Variants in SNX14 observed in about 807,000 individuals in gnomAD.
SNX14 encodes the protein sorting nexin-14.
In SNX14, 93 loss-of-function variants were observed where a neutral mutation model predicts 133.8. The ratio of observed to expected loss-of-function variants is 0.70; its 90% CI spans 0.59 to 0.83. The LOEUF (loss-of-function observed/expected upper bound fraction) is 0.83, where lower values mean the gene tolerates loss of function less well. Ranked by LOEUF, SNX14 falls within the 40% of genes least tolerant of loss-of-function variation. SNX14 has a pLI of 0.00. For missense variants in SNX14, 945 were observed against 1,094.9 expected, an observed-to-expected ratio of 0.86 and a Z score of 1.93; for synonymous variants, 368 against 365.6, an observed-to-expected ratio of 1.01 and a Z score of -0.07.
chr6:85,506,320 A>T (rs967870370), intron 28 of SNX14, among the ~76,000 whole-genome samples: 12 of 145,666 alleles, frequency 8.2e-5, no homozygotes, highest in South Asian at 2.2e-4. Context: ...TAACTTGAAA[A>T]TTTTTTTTTT....
chr6:85,516,791 C>G (rs1377621336), intron 23 of SNX14, among the ~76,000 whole-genome samples: 1 of 152,070 alleles, frequency 6.6e-6, no homozygotes, highest in East Asian at 1.9e-4. Flanking sequence ...GCACCCACCA[C>G]CACGCTTGAC....
chr6:85,508,639 T>A (rs1199872121), intron 26 of SNX14, among the ~76,000 whole-genome samples: 1 of 147,454 alleles, frequency 6.8e-6, no homozygotes, highest in Non-Finnish European at 1.5e-5. Flanking sequence ...TTTGCATAAG[T>A]TACTATTAAC....
At chr6:85,528,398 C>A in intron 19 of SNX14, 36 bp from the exon 20 acceptor site, 1 of 1,496,386 alleles carries the variant, frequency 6.7e-7, no homozygotes, top group South Asian at 1.3e-5. Flanking sequence ...TTACTGTGTT[C>A]TGCTACTATT....
intron 7 of SNX14, among the ~76,000 whole-genome samples, chr6:85,552,403 CATT>C (rs1026652661): frequency 1.3e-5 from 2 of 152,044 alleles, no homozygotes; most frequent in African/African-American, 4.8e-5. Flanking sequence ...CAAAAAAAGG[CATT>C]ATATGCATTG....
At chr6:85,522,824 C>T (rs1333958293) in intron 21 of SNX14, among the ~76,000 whole-genome samples, 2 of 152,176 alleles carry the variant, frequency 1.3e-5, no homozygotes, top group African/African-American at 4.8e-5. Context: ...ACTGTACCTT[C>T]AAGATACTCC....
At chr6:85,545,350 TA>T (rs1251617724) in intron 12 of SNX14, among the ~76,000 whole-genome samples, 2 of 152,132 alleles carry the variant, frequency 1.3e-5, no homozygotes, top group African/African-American at 4.8e-5. Flanking sequence ...AGATACCAAT[TA>T]AAAAGCAAAG....
At chr6:85,535,028 CTTTT>C (rs35936403) in intron 17 of SNX14, among the ~76,000 whole-genome samples, 1 of 124,132 alleles carries the variant, frequency 8.1e-6, no homozygotes. Context: ...TCTATCCATA[CTTTT>C]TTTTTTTTTT....
intron 6 of SNX14, among the ~76,000 whole-genome samples, chr6:85,560,326 C>A (rs1791123603): frequency 6.6e-6 from 1 of 152,088 alleles, no homozygotes; most frequent in Admixed American, 6.5e-5. Flanking sequence ...ATACATGCTA[C>A]AACATAATAT....
rs147669183 is a variant in SNX14 at position 85,563,920 on chromosome 6, C to A, written c.549+1412G>T. Among the ~76,000 whole-genome samples the A allele has an allele frequency of 4.6e-3, 704 of 152,208 alleles. 4 individuals are homozygous for A. The highest frequency in any genetic ancestry group is 0.014 in the African/African-American group (565 of 41,520). On this transcript the variant is annotated intron_variant, in intron 6 of 28. Transcript: ENST00000314673. ...ATATCTCCTAATACTATCCCTCCCCCCTTCCCCCACCCCATGACAGGTCCT... is the reference window on the plus strand; with the variant it reads ...ATATCTCCTAATACTATCCCTCCCCACTTCCCCCACCCCATGACAGGTCCT...
intron 6 of SNX14, among the ~76,000 whole-genome samples, 194 bp from the exon 7 acceptor site, chr6:85,558,254 A>C (rs1790391934): frequency 6.6e-6 from 1 of 152,204 alleles, no homozygotes; most frequent in African/African-American, 2.4e-5. Context: ...ACTGAAAATT[A>C]ATCTTAATAT....
intron 19 of SNX14, among the ~76,000 whole-genome samples, chr6:85,529,391 A>G (rs187879100): frequency 1.3e-5 from 2 of 152,250 alleles, no homozygotes; most frequent in Non-Finnish European, 1.5e-5. Context: ...AAGGAAGGAA[A>G]CAAGGGAAGG....
Position 85,593,564 on chromosome 6 carries a change from G to A in SNX14, c.140+15C>T, listed in dbSNP as rs543061539. On this transcript the variant is annotated intron_variant, in intron 1 of 28. Transcript: ENST00000314673. ...GGAGAAAAGCCGCCGCCCAGGCTCC[G>A]CGCTGCGGCGTTACCTGTTAAGAAG... is the stretch of plus-strand genomic sequence containing the variant. The A allele has an allele frequency of 5.0e-6, 8 of 1,602,372 alleles. No homozygotes were observed. In the Admixed American group the frequency reaches 8.6e-5, roughly 17 times the overall value.
At chr6:85,517,511 C>A in intron 23 of SNX14, 1 of 300,466 alleles carries the variant, frequency 3.3e-6, no homozygotes, top group East Asian at 6.0e-5. Context: ...TTTTAAAAAT[C>A]CCCAAATACA....
rs778642905 is a variant in SNX14, at chr6:85,513,892, G to T, written c.2561C>A (p.Ala854Asp). The change falls in exon 26 of 29, where the codon GCT (alanine) becomes GAT (aspartate). Residue 854 changes from alanine (A) to aspartate (D), a missense_variant. Transcript: ENST00000314673. ...LVSLITLLRD[A>D]IFCENTEPRS... is the part of the protein sequence containing the mutation. ...AGGTTCAGTGTTTTCACAGAATATA[G>T]CATCTAAAAAAGAGTAAAAAGAAAT... 1 of 1,607,588 alleles carries T rather than the reference G, an allele frequency of 6.2e-7. No homozygotes were observed. The highest frequency in any genetic ancestry group is 1.1e-5 in the South Asian group (1 of 89,518).
chr6:85,522,778 C>T (rs1490818641), intron 21 of SNX14, among the ~76,000 whole-genome samples: 1 of 152,094 alleles, frequency 6.6e-6, no homozygotes, highest in African/African-American at 2.4e-5. Context: ...CACATTCGGC[C>T]ATAACTTATC....
intron 4 of SNX14, among the ~76,000 whole-genome samples, chr6:85,571,709 TC>T (rs1326082425): frequency 6.6e-6 from 1 of 152,154 alleles, no homozygotes; most frequent in Non-Finnish European, 1.5e-5. Context: ...TGCTTTCCAT[TC>T]CTGTATTATG....
At chr6:85,524,124 G>GT (rs1491407131) in intron 21 of SNX14, among the ~76,000 whole-genome samples, 4 of 152,028 alleles carry the variant, frequency 2.6e-5, no homozygotes, top group Admixed American at 2.0e-4. Flanking sequence ...GGAGGTTGCA[G>GT]TGAGCCAAGA....
At chr6:85,575,933 G>A (rs1797178175) in intron 1 of SNX14, among the ~76,000 whole-genome samples, 1 of 152,178 alleles carries the variant, frequency 6.6e-6, no homozygotes, top group Non-Finnish European at 1.5e-5. Flanking sequence ...CACTGTTTAA[G>A]TTACTCTTAA....
At chr6:85,542,557 G>C (rs1036639739) in intron 14 of SNX14, among the ~76,000 whole-genome samples, 3 of 152,002 alleles carry the variant, frequency 2.0e-5, no homozygotes, top group Non-Finnish European at 4.4e-5. Context: ...ACCACGCCCA[G>C]CTAGTTTTTT....
Sources: gnomAD v4.1 joint callset for allele counts (sites outside exome capture counted in the v4.1 genomes callset) on GRCh38, gnomAD v4.1.1 for gene constraint, MANE v1.5 for transcripts, NCBI Gene and HGNC (gene_info 2026-07-23, HGNC 2026-07-21) for gene names.